Variants in HSD17B11 observed in about 807,000 individuals in gnomAD.
HSD17B11 encodes the protein estradiol 17-beta-dehydrogenase 11.
Under a neutral mutation model 27.8 loss-of-function variants are expected in HSD17B11, and 22 were observed. The observed-to-expected ratio is 0.79, with a 90% CI of 0.56 to 1.13. The LOEUF is 1.13. Ranked by LOEUF, HSD17B11 falls within the 50% of genes most tolerant of loss-of-function variation. The probability of loss-of-function intolerance (pLI) is 0.00; values close to 1 mark genes in which losing one functional copy is unlikely to be tolerated. For missense variants in HSD17B11, 314 were observed against 351.1 expected (o/e 0.89, Z 0.84); for synonymous variants, 117 against 132.8 (o/e 0.88, Z 0.82).
At chr4:87,382,162 G>C (rs1560771461) in intron 2 of HSD17B11, 93 bp downstream of exon 2, 2 of 880,882 alleles carry the variant, frequency 2.3e-6, no homozygotes, top group Middle Eastern at 2.3e-4. Context: ...ACATTTCTCA[G>C]GTACTTCATC....
At chr4:87,381,983 C>T (rs1420170289) in intron 2 of HSD17B11, among the ~76,000 whole-genome samples, 2 of 152,002 alleles carry the variant, frequency 1.3e-5, no homozygotes, top group Admixed American at 1.3e-4. Context: ...GAGGCCCTGC[C>T]TTCAACCTAC....
intron 5 of HSD17B11, among the ~76,000 whole-genome samples, chr4:87,356,670 T>C (rs1578036853): frequency 6.6e-6 from 1 of 152,348 alleles, no homozygotes; most frequent in East Asian, 1.9e-4. Flanking sequence ...ATGCATCATG[T>C]TTACAAAGAC....
At chr4:87,390,826 G>A (rs1276705165) in intron 1 of HSD17B11, 35 bp downstream of exon 1, 2 of 1,576,788 alleles carry the variant, frequency 1.3e-6, no homozygotes, top group Admixed American at 1.7e-5. Context: ...ACAAATTAAA[G>A]GTACCAGAAA....
intron 2 of HSD17B11, among the ~76,000 whole-genome samples, chr4:87,378,617 G>A (rs1719973069): frequency 6.7e-6 from 1 of 149,774 alleles, no homozygotes; most frequent in Non-Finnish European, 1.5e-5. Context: ...AACCAGAGTA[G>A]CCTATTTGTT....
rs1393277087 is a variant in HSD17B11, at chr4:87,378,905, AATATATATATATAAATATATATAAATAT to A, written c.318+3322_318+3349del. On this transcript the variant is annotated intron_variant, in intron 2 of 6. Coordinates refer to ENST00000358290, the MANE Select transcript of HSD17B11 (RefSeq NM_016245.5). ...AAATATATATATATAAATATATATA[AATATATATATATAAATATATATAAATAT>A]ATATATATATATATTTATATATATA... 1.6e-4 allele frequency among the ~76,000 whole-genome samples: 2 copies of A among 12,366 alleles called. 1 individual carries two copies. The highest frequency in any genetic ancestry group is 4.7e-3 in the East Asian group (2 of 424). 8.1% of individuals were successfully genotyped at this position (12,366 alleles called of 152,430 possible).
At chr4:87,379,484 T>C (rs1560769973) in intron 2 of HSD17B11, among the ~76,000 whole-genome samples, 1 of 147,026 alleles carries the variant, frequency 6.8e-6, no homozygotes, top group Non-Finnish European at 1.5e-5. Context: ...TATATTTATA[T>C]TATATAATAT....
chr4:87,338,033 C>T (rs113506231), intron 6 of HSD17B11, among the ~76,000 whole-genome samples: 9,125 of 152,174 alleles, frequency 0.06, 880 homozygotes, highest in African/African-American at 0.21. Context: ...CTGGCTAACA[C>T]GGTGAAACCC....
Position 87,337,029 on chromosome 4 carries a change from G to C in HSD17B11, c.*247C>G, listed in dbSNP as rs1735069296. On this transcript the variant is annotated 3_prime_UTR_variant, in exon 7 of 7. Transcript: ENST00000358290. ...TAATCTTGGAAATTATTTTAATAAA[G>C]TCATTTTGGTTCTTTTTCTTCATTT... The C allele has an allele frequency of 2.7e-6, 1 of 376,694 alleles. No individual in the cohort carries two copies. The highest frequency in any genetic ancestry group is 5.6e-5 in the South Asian group (1 of 17,804). 23.3% of individuals were successfully genotyped at this position (376,694 alleles called of 1,614,324 possible). A position where few individuals can be genotyped will look rare whatever the true frequency, so the allele number is the denominator to read the frequency against.
intron 5 of HSD17B11, among the ~76,000 whole-genome samples, chr4:87,346,431 T>C (rs898376982): frequency 6.6e-6 from 1 of 152,142 alleles, no homozygotes; most frequent in Non-Finnish European, 1.5e-5. Flanking sequence ...GGCGGATCGC[T>C]TGAGGTCAGG....
intron 4 of HSD17B11, 100 bp downstream of exon 4, chr4:87,372,609 G>T: frequency 1.4e-6 from 1 of 715,138 alleles, no homozygotes; most frequent in Non-Finnish European, 2.4e-6. Context: ...AAAACTTCAA[G>T]TCTCTTATGA....
At chr4:87,354,214 G>A (rs12642212) in intron 5 of HSD17B11, among the ~76,000 whole-genome samples, 78,043 of 151,762 alleles carry the variant, frequency 0.51, 20,291 homozygotes, top group Non-Finnish European at 0.55. Flanking sequence ...CTTAAATTAA[G>A]TGTGTTTAAA....
Position 87,390,854 on chromosome 4 carries a change from C to A in HSD17B11, c.210+7G>T. On this transcript the variant is annotated splice_region_variant and intron_variant, in intron 1 of 6. Coordinates refer to ENST00000358290, the MANE Select transcript of HSD17B11 (RefSeq NM_016245.5). ...ACCAGAAAGTAAAACATAGTAAACA[C>A]TGTTACCTTATTTATATCCCAGAGA... is the stretch of plus-strand genomic sequence containing the variant. 6.2e-7 allele frequency: 1 copy of A among 1,612,446 alleles called. No homozygotes were observed. Among genetic ancestry groups the A allele is most frequent in the Non-Finnish European group, 8.5e-7 (1 of 1,178,474 alleles).
chr4:87,368,523 T>C (rs7690170), intron 4 of HSD17B11, among the ~76,000 whole-genome samples: 24,033 of 151,932 alleles, frequency 0.16, 2,051 homozygotes, highest in Admixed American at 0.19. Flanking sequence ...AGTTCTCTTA[T>C]AAAAGGGAAG....
At position 87,376,198 on chromosome 4, in the gene HSD17B11, A is replaced by G. The variant is rs149557357; in HGVS notation, c.319-1368T>C. Reference sequence around the variant, plus strand: ...CTCTTCTTGACCTGCTCAGGTGTCTATGAGGGTACTTAATATACAAATATT... The same window carrying G: ...CTCTTCTTGACCTGCTCAGGTGTCTGTGAGGGTACTTAATATACAAATATT... On this transcript the variant is annotated intron_variant, in intron 2 of 6. Transcript: ENST00000358290. Among the ~76,000 whole-genome samples, 5 of 152,290 alleles carry G rather than the reference A, an allele frequency of 3.3e-5. 1 individual carries two copies. The East Asian group carries it at 9.7e-4, about 29-fold the overall frequency.
intron 4 of HSD17B11, among the ~76,000 whole-genome samples, chr4:87,366,413 C>T (rs916708029): frequency 6.6e-6 from 1 of 152,048 alleles, no homozygotes; most frequent in Non-Finnish European, 1.5e-5. Context: ...TTGGGTTTAA[C>T]ATTAATAATA....
chr4:87,338,466 A>G (rs62305727), intron 6 of HSD17B11, among the ~76,000 whole-genome samples: 3,254 of 152,324 alleles, frequency 0.021, 49 homozygotes, highest in Non-Finnish European at 0.032. Context: ...GATAATAATA[A>G]TAGTAGTAGT....
intron 5 of HSD17B11, among the ~76,000 whole-genome samples, chr4:87,343,252 A>G (rs1198148973): frequency 6.6e-6 from 1 of 152,198 alleles, no homozygotes; most frequent in Admixed American, 6.6e-5. Flanking sequence ...AAAAAACTCA[A>G]TTTCTTAGCA....
At chr4:87,389,784 A>G (rs1042796020) in intron 1 of HSD17B11, among the ~76,000 whole-genome samples, 11 of 152,164 alleles carry the variant, frequency 7.2e-5, no homozygotes, top group Admixed American at 5.9e-4. Context: ...CCCTTTGTTC[A>G]TCTACCAAAG....
At chr4:87,379,504 ATACATATATAATATG>A (rs1184678515) in intron 2 of HSD17B11, among the ~76,000 whole-genome samples, 8 of 146,884 alleles carry the variant, frequency 5.4e-5, no homozygotes, top group Admixed American at 1.4e-4. Context: ...TATATTATAT[ATACATATATAATATG>A]TACATATATA....
Sources: allele counts gnomAD v4.1 joint callset (sites outside exome capture counted in the v4.1 genomes callset), GRCh38; gene constraint gnomAD v4.1.1; transcripts MANE v1.5; gene names NCBI Gene and HGNC (gene_info 2026-07-23, HGNC 2026-07-21).